The following FGF12 variants were observed in gnomAD, a reference collection of about 807,000 sequenced individuals.
FGF12 encodes fibroblast growth factor 12, also known as fibroblast growth factor 12B.
In FGF12, 14 loss-of-function variants were observed where a neutral mutation model predicts 23.6. The observed-to-expected ratio is 0.59, with a 90% CI of 0.39 to 0.93. The LOEUF (loss-of-function observed/expected upper bound fraction) is 0.93, where lower values mean the gene tolerates loss of function less well. FGF12 is among the 40% of genes least tolerant of loss of function. The pLI is 0.00. For synonymous variants in FGF12, 62 were observed against 77.3 expected, an observed-to-expected ratio of 0.80 and a Z score of 1.04; for missense variants, 175 against 217.8, an observed-to-expected ratio of 0.80 and a Z score of 1.24.
intron 2 of FGF12, among the ~76,000 whole-genome samples, chr3:192,535,328 TA>T (rs1264220424): frequency 6.6e-6 from 1 of 152,214 alleles, no homozygotes; most frequent in African/African-American, 2.4e-5. Context: ...AAATTCTACT[TA>T]AAATTAAAAC....
intron 2 of FGF12, among the ~76,000 whole-genome samples, chr3:192,441,617 G>C (rs576650835): frequency 6.6e-6 from 1 of 152,292 alleles, no homozygotes; most frequent in Non-Finnish European, 1.5e-5. Flanking sequence ...AGTATGAAAA[G>C]ACTCCTTCAA....
At chr3:192,493,982 C>G (rs1412079129) in intron 2 of FGF12, among the ~76,000 whole-genome samples, 1 of 152,096 alleles carries the variant, frequency 6.6e-6, no homozygotes, top group Non-Finnish European at 1.5e-5. Context: ...AGTTCTGACT[C>G]CTTGGATCAG....
intron 2 of FGF12, among the ~76,000 whole-genome samples, chr3:192,424,703 CAGG>C (rs1457606752): frequency 6.6e-6 from 1 of 152,220 alleles, no homozygotes; most frequent in East Asian, 1.9e-4. Flanking sequence ...TCACATGCCA[CAGG>C]AGGAGAGTCT....
chr3:192,276,273 CATGGGTAAA>C (rs1713779595), intron 4 of FGF12, among the ~76,000 whole-genome samples: 1 of 152,098 alleles, frequency 6.6e-6, no homozygotes, highest in African/African-American at 2.4e-5. Context: ...AGAGGAAATG[CATGGGTAAA>C]ATGGATAAAT....
chr3:192,366,871 A>T (rs1198864377), intron 2 of FGF12, among the ~76,000 whole-genome samples: 1 of 152,222 alleles, frequency 6.6e-6, no homozygotes, highest in African/African-American at 2.4e-5. Context: ...ATTTGTTCTG[A>T]GTGGCTCCAC....
chr3:192,428,074 A>G (rs1373054727), intron 2 of FGF12, among the ~76,000 whole-genome samples: 1 of 152,202 alleles, frequency 6.6e-6, no homozygotes, highest in East Asian at 1.9e-4. Flanking sequence ...TTCTTATTCA[A>G]GCCCTTCAAG....
intron 2 of FGF12, among the ~76,000 whole-genome samples, chr3:192,392,601 A>T (rs999071183): frequency 1.0e-4 from 10 of 99,012 alleles, no homozygotes; most frequent in African/African-American, 4.1e-4. Flanking sequence ...CGAGAGAGAG[A>T]GAGAGAGAGA....
intron 4 of FGF12, among the ~76,000 whole-genome samples, chr3:192,327,162 C>T (rs1318917188): frequency 6.6e-6 from 1 of 152,154 alleles, no homozygotes; most frequent in East Asian, 1.9e-4. Context: ...TCATTTCCAT[C>T]CCTCCTCACA....
At chr3:192,498,769 C>G (rs978633485) in intron 2 of FGF12, among the ~76,000 whole-genome samples, 2 of 152,216 alleles carry the variant, frequency 1.3e-5, no homozygotes, top group African/African-American at 4.8e-5. Flanking sequence ...TTGTAAGAGT[C>G]TAGTTACTGG....
chr3:192,450,470 A>C (rs1342588201), intron 2 of FGF12, among the ~76,000 whole-genome samples: 2 of 152,208 alleles, frequency 1.3e-5, no homozygotes, highest in African/African-American at 4.8e-5. Context: ...ATAGGATACC[A>C]AATAAAACTC....
intron 2 of FGF12, among the ~76,000 whole-genome samples, chr3:192,613,077 C>A (rs986053631): frequency 6.6e-6 from 1 of 151,588 alleles, no homozygotes; most frequent in African/African-American, 2.4e-5. Flanking sequence ...TTCTTATTTA[C>A]CATTTTTTTT....
Position 192,198,399 on chromosome 3 carries a change from T to C in FGF12, c.229-27743A>G, listed in dbSNP as rs115243654. Among the ~76,000 whole-genome samples the C allele has an allele frequency of 8.7e-3, 1,320 of 151,926 alleles. 17 individuals carry two copies. Among genetic ancestry groups the C allele is most frequent in the African/African-American group, 0.03 (1,236 of 41,506 alleles). On this transcript the variant is annotated intron_variant, in intron 4 of 5. Coordinates refer to ENST00000445105, the MANE Select transcript of FGF12 (RefSeq NM_004113.6). ...AGTAAAAAAGAATCTGTACATTAGA[T>C]TGAGCATAAAAACCACTGAGCAAAT... is the stretch of plus-strand genomic sequence containing the variant.
intron 2 of FGF12, among the ~76,000 whole-genome samples, chr3:192,505,962 G>C (rs941577462): frequency 4.6e-5 from 7 of 152,330 alleles, no homozygotes; most frequent in South Asian, 2.1e-4. Context: ...ATTCATGAAA[G>C]TAGTTCTGAT....
At chr3:192,236,279 CATG>C (rs1403145659) in intron 4 of FGF12, among the ~76,000 whole-genome samples, 6 of 152,106 alleles carry the variant, frequency 3.9e-5, no homozygotes, top group African/African-American at 1.4e-4. Flanking sequence ...TATGGCCAAG[CATG>C]TGGCCAGTCT....
intron 2 of FGF12, among the ~76,000 whole-genome samples, chr3:192,468,068 G>A (rs189867131): frequency 1.3e-5 from 2 of 152,272 alleles, no homozygotes; most frequent in East Asian, 1.9e-4. Context: ...GTCCTGACAC[G>A]GAAATTCAAA....
intron 2 of FGF12, among the ~76,000 whole-genome samples, chr3:192,499,767 C>G (rs1336306721): frequency 6.6e-6 from 1 of 151,270 alleles, no homozygotes; most frequent in African/African-American, 2.4e-5. Flanking sequence ...CCAGGATGGT[C>G]TCAATCTCCT....
At chr3:192,411,503 G>C (rs146459990) in intron 2 of FGF12, among the ~76,000 whole-genome samples, 126 of 152,214 alleles carry the variant, frequency 8.3e-4, no homozygotes, top group African/African-American at 2.9e-3. Flanking sequence ...AAAGACACAC[G>C]CACACACACA....
At chr3:192,146,672 C>A (rs73056486) in intron 5 of FGF12, among the ~76,000 whole-genome samples, 3,175 of 152,042 alleles carry the variant, frequency 0.021, 100 homozygotes, top group African/African-American at 0.073. Flanking sequence ...TTCACTTGGA[C>A]TTTTATCTTT....
At chr3:192,574,918 G>A (rs1186141197) in intron 2 of FGF12, among the ~76,000 whole-genome samples, 1 of 152,180 alleles carries the variant, frequency 6.6e-6, no homozygotes, top group Non-Finnish European at 1.5e-5. Context: ...CAGAAACTGT[G>A]AGATAATGAA....
Sources: allele counts gnomAD v4.1 joint callset (sites outside exome capture counted in the v4.1 genomes callset), GRCh38; gene constraint gnomAD v4.1.1; transcripts MANE v1.5; gene names NCBI Gene and HGNC (gene_info 2026-07-23, HGNC 2026-07-21).